DRAXIN: variants seen among roughly 807,000 people sequenced by gnomAD.
DRAXIN encodes dorsal repulsive axon guidance protein.
In DRAXIN, 27 loss-of-function variants were observed where a neutral mutation model predicts 33.9. The observed-to-expected ratio is 0.80, with a 90% CI of 0.59 to 1.10. The LOEUF is 1.10. DRAXIN is among the 50% of genes least tolerant of loss of function. DRAXIN has a pLI of 0.00. For missense variants in DRAXIN, 371 were observed against 460.8 expected (o/e 0.81, Z 1.78); for synonymous variants, 178 against 194.0 (o/e 0.92, Z 0.69).
At position 11,694,434 on chromosome 1, in the gene DRAXIN, G is replaced by C. The variant is rs55686624; in HGVS notation, c.-11+2581G>C. 0.07 allele frequency among the ~76,000 whole-genome samples: 10,715 copies of C among 152,034 alleles called. 442 individuals carry two copies. The highest frequency in any genetic ancestry group is 0.096 in the South Asian group (462 of 4,824). On this transcript the variant is annotated intron_variant, in intron 1 of 6. Transcript: ENST00000294485. This position sits in a 1 kb window ranked among gnomAD's most constrained non-coding sequence, Gnocchi z 4.9. ...GCCCTGTATCACTCTGGAAAATGAG[G>C]GTGGTCTCTGTGCCTGTTATAGGGG...
rs970305308 is a variant in DRAXIN at position 11,704,582 on chromosome 1, G to A, written c.-10-1667G>A. On this transcript the variant is annotated intron_variant, in intron 1 of 6. Coordinates refer to ENST00000294485, the MANE Select transcript of DRAXIN (RefSeq NM_198545.4). The surrounding 1 kb of genome is among the most constrained non-coding windows in gnomAD (Gnocchi z 4.6). The stretch of plus-strand genomic sequence containing the variant: ...CAAGGCCAGTGGGACAGAGCCTTCC[G>A]TTGCTGGTGACGTGACCAGGACAGT... Among the ~76,000 whole-genome samples, 2 of 152,240 alleles carry A rather than the reference G, an allele frequency of 1.3e-5. No individual in the cohort carries two copies. Among genetic ancestry groups the A allele is most frequent in the Non-Finnish European group, 2.9e-5 (2 of 68,046 alleles).
Position 11,704,332 on chromosome 1 carries a change from AG to A in DRAXIN, c.-10-1912del, listed in dbSNP as rs1641345162. On this transcript the variant is annotated intron_variant, in intron 1 of 6. Transcript: ENST00000294485. This position sits in a 1 kb window ranked among gnomAD's most constrained non-coding sequence, Gnocchi z 4.6. ...TGGCCTTTCCAGTCACAAGGAGAGC[AG>A]GGGGTGAAGTCTGGCAGTGGTCAGG... Among the ~76,000 whole-genome samples the A allele has an allele frequency of 6.6e-6, 1 of 152,174 alleles. No homozygotes were observed. The highest frequency in any genetic ancestry group is 6.5e-5 in the Admixed American group (1 of 15,290).
At chr1:11,712,818 G>A (rs1198660908) in intron 5 of DRAXIN, among the ~76,000 whole-genome samples, 2 of 151,972 alleles carry the variant, frequency 1.3e-5, no homozygotes, top group African/African-American at 4.8e-5. Context: ...AGAATCAATC[G>A]CTTGAACCTG....
Position 11,706,578 on chromosome 1 carries a change from A to G in DRAXIN, c.320A>G (p.Gln107Arg). 6.2e-7 allele frequency: 1 copy of G among 1,608,856 alleles called. No individual in the cohort carries two copies. The highest frequency in any genetic ancestry group is 8.5e-7 in the Non-Finnish European group (1 of 1,179,330). ...LPEQSPAGLL[Q>R]DKDLLLGLAL... ...GAGCAGAGTCCTGCAGGCCTGCTGC[A>G]GGACAAGGACCTGCTCCTGGGACTG... Residue 107 changes from glutamine to arginine, a missense_variant, in exon 2 of 7, where the codon CAG becomes CGG. Physicochemically the swap from Gln to Arg is conservative, Grantham distance 43 (BLOSUM62 1). Coordinates refer to ENST00000294485, the MANE Select transcript of DRAXIN (RefSeq NM_198545.4). This position sits in a 1 kb window ranked among gnomAD's most constrained non-coding sequence, Gnocchi z 5.5.
rs984447558 is a variant in DRAXIN at position 11,692,157 on chromosome 1, G to A, written c.-11+304G>A. Among the ~76,000 whole-genome samples, 3 of 152,212 alleles carry A rather than the reference G, an allele frequency of 2.0e-5. No individual in the cohort carries two copies. In the East Asian group the frequency reaches 5.8e-4, roughly 29 times the overall value. On this transcript the variant is annotated intron_variant, in intron 1 of 6. Transcript: ENST00000294485. This position sits in a 1 kb window ranked among gnomAD's most constrained non-coding sequence, Gnocchi z 5.8. ...GACACTCGGCCTCGCGCGCGCCCTCGCCGCCCTCTGGGGTCCCGGCTCGCA... is the reference window on the plus strand; with the variant it reads ...GACACTCGGCCTCGCGCGCGCCCTCACCGCCCTCTGGGGTCCCGGCTCGCA...
rs192350520 is a variant in DRAXIN at position 11,696,636 on chromosome 1, C to T, written c.-11+4783C>T. Among the ~76,000 whole-genome samples the T allele has an allele frequency of 7.3e-5, 11 of 151,442 alleles. No homozygotes were observed. Among genetic ancestry groups the T allele is most frequent in the South Asian group, 2.1e-4 (1 of 4,794 alleles). Reference sequence around the variant, plus strand: ...TTGGGAGGCCAAAGCGAGCAGGTCACGAGGTCAAGAGATCGAGAACATCCT... The same window carrying T: ...TTGGGAGGCCAAAGCGAGCAGGTCATGAGGTCAAGAGATCGAGAACATCCT... On this transcript the variant is annotated intron_variant, in intron 1 of 6. Coordinates refer to ENST00000294485, the MANE Select transcript of DRAXIN (RefSeq NM_198545.4). The surrounding 1 kb of genome is among the most constrained non-coding windows in gnomAD (Gnocchi z 4.7).
intron 1 of DRAXIN, among the ~76,000 whole-genome samples, chr1:11,697,555 C>G (rs1641211372): frequency 6.6e-6 from 1 of 152,214 alleles, no homozygotes; most frequent in Non-Finnish European, 1.5e-5. Flanking sequence ...AAGGCATGAC[C>G]TGGTTCCCTC....
At chr1:11,695,611 AATAT>A (rs1158817614) in intron 1 of DRAXIN, among the ~76,000 whole-genome samples, 43 of 145,232 alleles carry the variant, frequency 3.0e-4, no homozygotes, top group South Asian at 6.6e-4. Context: ...CAAAAAAAAA[AATAT>A]ATATATATAT....
At chr1:11,702,664 TCACA>T (rs1415295299) in intron 1 of DRAXIN, among the ~76,000 whole-genome samples, 1 of 151,388 alleles carries the variant, frequency 6.6e-6, no homozygotes, top group Non-Finnish European at 1.5e-5. Context: ...CACGTCATGC[TCACA>T]CATACATGCC....
At position 11,693,309 on chromosome 1, in the gene DRAXIN, A is replaced by G. The variant is rs75494403; in HGVS notation, c.-11+1456A>G. 4.7e-3 allele frequency among the ~76,000 whole-genome samples: 715 copies of G among 152,036 alleles called. 27 individuals are homozygous for G. The East Asian group carries it at 0.075, about 16-fold the overall frequency. On this transcript the variant is annotated intron_variant, in intron 1 of 6. Coordinates refer to ENST00000294485, the MANE Select transcript of DRAXIN (RefSeq NM_198545.4). ...TGACTCACCCCCAATTCTGAACCTC[A>G]GTCTTGGCTTGATGCCTTTAATAGC...
chr1:11,706,790 G>A lies in DRAXIN; in HGVS notation c.451+81G>A. The A allele has an allele frequency of 1.5e-5, 21 of 1,419,132 alleles. No individual in the cohort carries two copies. The highest frequency in any genetic ancestry group is 1.1e-4 in the South Asian group (8 of 71,592). 87.9% of individuals were successfully genotyped at this position (1,419,132 alleles called of 1,614,324 possible). On this transcript the variant is annotated intron_variant, in intron 2 of 6. Transcript: ENST00000294485. This position sits in a 1 kb window ranked among gnomAD's most constrained non-coding sequence, Gnocchi z 5.5. ...GGGAGCAGGAGAGGATGCAGGCAAGGGTCAGGGGCATGAGGTCCAGAGGAG... is the reference window on the plus strand; with the variant it reads ...GGGAGCAGGAGAGGATGCAGGCAAGAGTCAGGGGCATGAGGTCCAGAGGAG...
intron 3 of DRAXIN, among the ~76,000 whole-genome samples, chr1:11,709,982 C>T (rs12118130): frequency 0.095 from 14,404 of 151,898 alleles, 689 homozygotes; most frequent in African/African-American, 0.11. Flanking sequence ...GTCAGGAGTT[C>T]GAGACCAGCC....
At chr1:11,714,553 G>A (rs1161794672) in intron 5 of DRAXIN, among the ~76,000 whole-genome samples, 2 of 152,238 alleles carry the variant, frequency 1.3e-5, no homozygotes, top group Non-Finnish European at 2.9e-5. Flanking sequence ...TCAGTGACCA[G>A]AATATTCTAC....
At chr1:11,700,494 C>T (rs1306884313) in intron 1 of DRAXIN, among the ~76,000 whole-genome samples, 2 of 152,304 alleles carry the variant, frequency 1.3e-5, no homozygotes, top group African/African-American at 2.4e-5. Context: ...GGGGCCGTGC[C>T]CATGTTCAAA....
rs79807970 is a variant in DRAXIN, at chr1:11,697,940, G to A, written c.-11+6087G>A. On this transcript the variant is annotated intron_variant, in intron 1 of 6. Transcript: ENST00000294485. ...AGATGGGTAGGGACTAGTCCAGGAT[G>A]ATCAACGCACCAGTATGCCAGTGAA... is the stretch of plus-strand genomic sequence containing the variant. Among the ~76,000 whole-genome samples, 875 of 152,234 alleles carry A rather than the reference G, an allele frequency of 5.7e-3. 4 individuals carry two copies. Among genetic ancestry groups the A allele is most frequent in the African/African-American group, 0.02 (814 of 41,530 alleles).
intron 1 of DRAXIN, among the ~76,000 whole-genome samples, chr1:11,700,415 G>C (rs998630597): frequency 6.6e-6 from 1 of 152,198 alleles, no homozygotes; most frequent in Non-Finnish European, 1.5e-5. Context: ...AAATGGCAGC[G>C]AGTCTTTGAA....
In DRAXIN at chr1:11,706,700, C is replaced by T; in HGVS notation, c.442C>T (p.Leu148=). 6.3e-7 allele frequency: 1 copy of T among 1,576,258 alleles called. No homozygotes were observed. The highest frequency in any genetic ancestry group is 1.1e-5 in the South Asian group (1 of 88,936). ...EHKRRRDRLR[L]HQGRALVRGP... ...CAAGAGACGCAGGGACAGGTTGAGG[C>T]TGCACCAAGGTAGCTGGAGGGCTGC... is the stretch of plus-strand genomic sequence containing the variant. Residue 148 remains leucine, a synonymous_variant, in exon 2 of 7, where the codon CTG becomes TTG. Coordinates refer to ENST00000294485, the MANE Select transcript of DRAXIN (RefSeq NM_198545.4). This position sits in a 1 kb window ranked among gnomAD's most constrained non-coding sequence, Gnocchi z 5.5.
At position 11,692,680 on chromosome 1, in the gene DRAXIN, C is replaced by T. The variant is rs1570302370; in HGVS notation, c.-11+827C>T. On this transcript the variant is annotated intron_variant, in intron 1 of 6. Coordinates refer to ENST00000294485, the MANE Select transcript of DRAXIN (RefSeq NM_198545.4). This position sits in a 1 kb window ranked among gnomAD's most constrained non-coding sequence, Gnocchi z 5.8. ...GGTGCTCCCTGGGCCATCCTCTCCGCCCGGTGGTCTCCCCTGCCCTATATG... is the reference window on the plus strand; with the variant it reads ...GGTGCTCCCTGGGCCATCCTCTCCGTCCGGTGGTCTCCCCTGCCCTATATG... 1.3e-5 allele frequency among the ~76,000 whole-genome samples: 2 copies of T among 152,176 alleles called. No homozygotes were observed. The highest frequency in any genetic ancestry group is 1.9e-4 in the East Asian group (1 of 5,192).
chr1:11,716,624 G>C (rs954800245), intron 6 of DRAXIN, among the ~76,000 whole-genome samples: 1 of 152,040 alleles, frequency 6.6e-6, no homozygotes, highest in Non-Finnish European at 1.5e-5. Flanking sequence ...TAAAAATGAT[G>C]ATAATACATC....
Sources: gnomAD v4.1 joint callset for allele counts (sites outside exome capture counted in the v4.1 genomes callset) on GRCh38, gnomAD v4.1.1 for gene constraint, Gnocchi (gnomAD v3.1) non-coding constraint, MANE v1.5 for transcripts, NCBI Gene and HGNC (gene_info 2026-07-23, HGNC 2026-07-21) for gene names.